NCAPD3: variants seen among roughly 807,000 people sequenced by gnomAD.
The protein encoded by NCAPD3 is non-SMC condensin II complex subunit D3, also known as condensin-2 complex subunit D3.
NCAPD3 carries 105 observed loss-of-function variants against 182.9 expected under a neutral mutation model. That is an observed-to-expected ratio of 0.57 (90% CI 0.49 to 0.68). The LOEUF is 0.68. Among genes scored for constraint, NCAPD3 ranks in the 30% least tolerant of loss-of-function variants. The pLI is 0.00. For missense variants in NCAPD3, 1,944 were observed against 1,837.0 expected, an observed-to-expected ratio of 1.06 and a Z score of -1.07; for synonymous variants, 815 against 679.9, an observed-to-expected ratio of 1.20 and a Z score of -3.09.
chr11:134,167,965 G>T, intron 27 of NCAPD3, 31 bp downstream of exon 27: 1 of 1,602,458 alleles, frequency 6.2e-7, no homozygotes, highest in Non-Finnish European at 8.5e-7. Context: ...TCACTTGTGA[G>T]AAGATGATCT....
At chr11:134,197,271 A>ATCTTT (rs1944651456) in intron 13 of NCAPD3, among the ~76,000 whole-genome samples, 2 of 131,352 alleles carry the variant, frequency 1.5e-5, no homozygotes, top group Non-Finnish European at 3.2e-5. Context: ...CCAGTCTCAC[A>ATCTTT]TCTTTTTTTT....
chr11:134,184,869 C>T, intron 18 of NCAPD3, 34 bp downstream of exon 18: 2 of 1,510,788 alleles, frequency 1.3e-6, no homozygotes, highest in Non-Finnish European at 1.8e-6. Context: ...AACAGCAATG[C>T]ATTTTCACAT....
chr11:134,181,432 C>G (rs905538445), intron 19 of NCAPD3, among the ~76,000 whole-genome samples: 13 of 151,920 alleles, frequency 8.6e-5, no homozygotes, highest in African/African-American at 3.1e-4. Context: ...TTACATTTGC[C>G]CTATAAGAGC....
chr11:134,203,992 C>T (rs1944801285), intron 10 of NCAPD3, 54 bp downstream of exon 10: 3 of 1,599,656 alleles, frequency 1.9e-6, no homozygotes, highest in Admixed American at 3.5e-5. Context: ...AAAAGAGACC[C>T]TTTTAAAAAG....
chr11:134,218,788 G>A (rs1031381), intron 2 of NCAPD3, among the ~76,000 whole-genome samples: 55,073 of 151,822 alleles, frequency 0.36, 10,728 homozygotes, highest in East Asian at 0.55. Context: ...TTGTAACTCC[G>A]GATCATGCCA....
rs1265983298 is a variant in NCAPD3 at position 134,160,036 on chromosome 11, G to A, written c.3723C>T (p.Phe1241=). ...MQDYRDELKD[F]FAVDKQLASE... is the part of the protein sequence containing the mutation. The stretch of plus-strand genomic sequence containing the variant: ...ATGCCAGCTGTTTGTCAACTGCAAA[G>A]AAGTCCTTGAGCTCATCTCGGTAAT... The change falls in exon 29 of 35, where the codon TTC becomes TTT. Residue 1241 remains phenylalanine (F), a synonymous_variant. Transcript: ENST00000534548. 3 of 1,614,154 alleles carry A rather than the reference G, an allele frequency of 1.9e-6. No individual in the cohort carries two copies. The highest frequency in any genetic ancestry group is 1.7e-5 in the Admixed American group (1 of 60,018).
chr11:134,217,006 A>C lies in NCAPD3; in HGVS notation c.312T>G (p.Asn104Lys). 1 of 1,614,076 alleles carries C rather than the reference A, an allele frequency of 6.2e-7. No homozygotes were observed. The highest frequency in any genetic ancestry group is 1.1e-5 in the South Asian group (1 of 91,062). Residue 104 changes from asparagine to lysine, a missense_variant, in exon 3 of 35, where the codon AAT becomes AAG. Asn to Lys is a moderately conservative substitution (Grantham distance 94). Transcript: ENST00000534548. Reference protein sequence around the residue: ...YHFVQIVHKKNVSVQYREYGL... With the variant: ...YHFVQIVHKKKVSVQYREYGL... ...CATATTCTCGATACTGTACACTGAC[A>C]TTCTTCTTATGAACTATTTGAACAA...
In NCAPD3 at chr11:134,202,921, T is replaced by G. The variant is rs530500951; in HGVS notation, c.1526-16A>C. The G allele has an allele frequency of 2.5e-6, 4 of 1,571,556 alleles. No individual in the cohort carries two copies. The South Asian group carries it at 4.6e-5, about 18-fold the overall frequency. On this transcript the variant is annotated splice_polypyrimidine_tract_variant and intron_variant, in intron 12 of 34. Coordinates refer to ENST00000534548, the MANE Select transcript of NCAPD3 (RefSeq NM_015261.3). ...TAGGAAAAAGCTTTAAAAAAAAAAT[T>G]ACAGTCATTAAGCTAAAAATGTGTT... is the stretch of plus-strand genomic sequence containing the variant.
At position 134,162,103 on chromosome 11, in the gene NCAPD3, G is replaced by A. The variant is rs80024487; in HGVS notation, c.3574-212C>T. On this transcript the variant is annotated intron_variant, in intron 27 of 34. Transcript: ENST00000534548. ...ACACTCTGAAGGCTTTGTAAGATAG[G>A]GTGGGGACAAATACTACTCATATAT... Among the ~76,000 whole-genome samples the A allele has an allele frequency of 4.2e-3, 636 of 152,272 alleles. 4 individuals are homozygous for A. The highest frequency in any genetic ancestry group is 0.015 in the African/African-American group (609 of 41,542).
Position 134,192,678 on chromosome 11 carries a change from A to C in NCAPD3, c.2045+11T>G, listed in dbSNP as rs1226111846. 1 of 1,608,436 alleles carries C rather than the reference A, an allele frequency of 6.2e-7. No homozygotes were observed. Among genetic ancestry groups the C allele is most frequent in the East Asian group, 2.2e-5 (1 of 44,836 alleles). On this transcript the variant is annotated intron_variant, in intron 16 of 34. Coordinates refer to ENST00000534548, the MANE Select transcript of NCAPD3 (RefSeq NM_015261.3). The stretch of plus-strand genomic sequence containing the variant: ...CTTCTATAGGGAACACAGGTCATAC[A>C]GTTAACCTACCTCAGTTCCTGGCTT...
intron 3 of NCAPD3, among the ~76,000 whole-genome samples, chr11:134,212,398 T>C (rs990900492): frequency 1.3e-5 from 2 of 151,672 alleles, no homozygotes; most frequent in Non-Finnish European, 2.9e-5. Flanking sequence ...TGTGTGTGTG[T>C]GTGTGTGTGT....
At chr11:134,184,420 G>A (rs1300361324) in intron 19 of NCAPD3, among the ~76,000 whole-genome samples, 1 of 152,260 alleles carries the variant, frequency 6.6e-6, no homozygotes, top group African/African-American at 2.4e-5. Context: ...TCAAGGTGGT[G>A]ACCATCTAAG....
intron 2 of NCAPD3, 34 bp from the exon 3 acceptor site, chr11:134,217,132 A>T (rs757088956): frequency 6.6e-7 from 1 of 1,521,716 alleles, no homozygotes; most frequent in Non-Finnish European, 8.8e-7. Context: ...AAAGCCAGTC[A>T]TTAGAGAAAT....
intron 19 of NCAPD3, 128 bp from the exon 20 acceptor site, chr11:134,181,312 C>G (rs1366161041): frequency 3.3e-6 from 2 of 612,992 alleles, no homozygotes; most frequent in South Asian, 4.5e-5. Context: ...CCTAGCTTTC[C>G]TCTTTCCCAC....
intron 19 of NCAPD3, chr11:134,183,206 T>A: frequency 2.2e-6 from 1 of 455,552 alleles, no homozygotes; most frequent in Non-Finnish European, 4.4e-6. Context: ...TAGTCCCAGC[T>A]CTGCCGGTAG....
chr11:134,163,220 T>C (rs1244548514), intron 27 of NCAPD3, among the ~76,000 whole-genome samples: 2 of 152,174 alleles, frequency 1.3e-5, no homozygotes, highest in Non-Finnish European at 2.9e-5. Context: ...TAGTGAAGTA[T>C]AACATATGTA....
At chr11:134,169,531 A>T (rs913482100) in intron 24 of NCAPD3, among the ~76,000 whole-genome samples, 1 of 152,232 alleles carries the variant, frequency 6.6e-6, no homozygotes, top group African/African-American at 2.4e-5. Flanking sequence ...AAGAATAAGG[A>T]TTAATGACAA....
At chr11:134,183,935 C>T (rs1458475139) in intron 19 of NCAPD3, among the ~76,000 whole-genome samples, 2 of 152,166 alleles carry the variant, frequency 1.3e-5, no homozygotes, top group East Asian at 1.9e-4. Context: ...TTTTTGTTTT[C>T]TATAGCCATT....
chr11:134,220,046 G>A (rs1005963125), intron 2 of NCAPD3, among the ~76,000 whole-genome samples: 4 of 151,980 alleles, frequency 2.6e-5, no homozygotes, highest in South Asian at 4.2e-4. Context: ...CACCCACCTC[G>A]GCCTCCCAAA....
Sources: allele counts gnomAD v4.1 joint callset (sites outside exome capture counted in the v4.1 genomes callset), GRCh38; gene constraint gnomAD v4.1.1; transcripts MANE v1.5; gene names NCBI Gene and HGNC (gene_info 2026-07-23, HGNC 2026-07-21).